The following KIF6 variants were observed in gnomAD, a reference collection of about 807,000 sequenced individuals.
KIF6 encodes kinesin-like protein KIF6.
In KIF6, 106 loss-of-function variants were observed where a neutral mutation model predicts 112.7. That is an observed-to-expected ratio of 0.94 (90% confidence interval 0.80 to 1.11). The LOEUF (loss-of-function observed/expected upper bound fraction) is 1.11, where lower values mean the gene tolerates loss of function less well. KIF6 is among the 50% of genes least tolerant of loss of function. The probability of loss-of-function intolerance (pLI) is 0.00; values close to 1 mark genes in which losing one functional copy is unlikely to be tolerated. For missense variants in KIF6, 929 were observed against 964.0 expected (o/e 0.96, Z 0.48); for synonymous variants, 339 against 339.9 (o/e 1.00, Z 0.03).
intron 13 of KIF6, among the ~76,000 whole-genome samples, chr6:39,435,172 A>G (rs1771435529): frequency 6.6e-6 from 1 of 152,158 alleles, no homozygotes; most frequent in Non-Finnish European, 1.5e-5. Context: ...GGGGCTCAAA[A>G]TGACCTCGTA....
intron 15 of KIF6, among the ~76,000 whole-genome samples, chr6:39,386,419 G>T (rs1767426200): frequency 6.6e-6 from 1 of 152,176 alleles, no homozygotes; most frequent in African/African-American, 2.4e-5. Context: ...ACTTGGAGAG[G>T]AGGAATGGAG....
intron 10 of KIF6, among the ~76,000 whole-genome samples, chr6:39,556,479 G>A (rs928555519): frequency 4.6e-5 from 7 of 152,144 alleles, no homozygotes; most frequent in Non-Finnish European, 8.8e-5. Flanking sequence ...AACTGGCTTC[G>A]AAGCTGACAA....
At chr6:39,483,331 T>C (rs368028618) in intron 13 of KIF6, among the ~76,000 whole-genome samples, 4 of 152,326 alleles carry the variant, frequency 2.6e-5, no homozygotes, top group South Asian at 4.1e-4. Flanking sequence ...ACCAAGATTC[T>C]TTCCTCTCCA....
At chr6:39,632,473 C>T (rs1784408067) in intron 5 of KIF6, among the ~76,000 whole-genome samples, 1 of 151,978 alleles carries the variant, frequency 6.6e-6, no homozygotes. Context: ...TGAGACATTT[C>T]AGCTCACAAC....
At chr6:39,475,570 A>G (rs377522356) in intron 13 of KIF6, among the ~76,000 whole-genome samples, 1 of 152,182 alleles carries the variant, frequency 6.6e-6, no homozygotes, top group Non-Finnish European at 1.5e-5. Flanking sequence ...TGACATTTCA[A>G]TTTCTACCTT....
intron 13 of KIF6, among the ~76,000 whole-genome samples, chr6:39,525,350 G>T (rs749189023): frequency 3.9e-5 from 6 of 152,078 alleles, no homozygotes; most frequent in Non-Finnish European, 8.8e-5. Context: ...TACTGTACTT[G>T]GGCCCCAGAA....
intron 13 of KIF6, among the ~76,000 whole-genome samples, chr6:39,518,244 A>C (rs1418166415): frequency 6.6e-6 from 1 of 152,056 alleles, no homozygotes; most frequent in African/African-American, 2.4e-5. Context: ...TAGTATGTGC[A>C]CATGTGTGCC....
chr6:39,468,785 A>C (rs899788322), intron 13 of KIF6, among the ~76,000 whole-genome samples: 3 of 152,116 alleles, frequency 2.0e-5, no homozygotes, highest in Non-Finnish European at 4.4e-5. Flanking sequence ...AAAGGACACC[A>C]GTAAAAGTAA....
At chr6:39,482,298 G>A (rs568351709) in intron 13 of KIF6, among the ~76,000 whole-genome samples, 3 of 152,288 alleles carry the variant, frequency 2.0e-5, no homozygotes, top group Admixed American at 6.5e-5. Flanking sequence ...CTGGTGAATT[G>A]CAGGGAGGTC....
At chr6:39,624,348 G>T (rs966195209) in intron 5 of KIF6, among the ~76,000 whole-genome samples, 1 of 152,100 alleles carries the variant, frequency 6.6e-6, no homozygotes. Flanking sequence ...CTCTCAAAAG[G>T]TTGTAATAAT....
chr6:39,484,546 A>G (rs1174515139), intron 13 of KIF6, among the ~76,000 whole-genome samples: 1 of 152,184 alleles, frequency 6.6e-6, no homozygotes, highest in Non-Finnish European at 1.5e-5. Flanking sequence ...AGATGGAGTA[A>G]AAGAAGAAGC....
At chr6:39,649,752 A>AGAAG in intron 3 of KIF6, among the ~76,000 whole-genome samples, 1 of 103,326 alleles carries the variant, frequency 9.7e-6, no homozygotes, top group African/African-American at 2.8e-5. Flanking sequence ...AAAGAAAGAA[A>AGAAG]GAAAGAAAGA....
intron 13 of KIF6, among the ~76,000 whole-genome samples, chr6:39,532,638 T>C (rs1778140721): frequency 6.6e-6 from 1 of 152,166 alleles, no homozygotes; most frequent in Non-Finnish European, 1.5e-5. Flanking sequence ...AATTAAGAGA[T>C]AAAGAATTGT....
intron 6 of KIF6, among the ~76,000 whole-genome samples, chr6:39,601,694 C>T (rs73424561): frequency 0.015 from 2,091 of 142,118 alleles, 47 homozygotes; most frequent in African/African-American, 0.051. Flanking sequence ...CCCTTACATG[C>T]TATGGAATTT....
At chr6:39,521,073 A>G (rs1777371862) in intron 13 of KIF6, among the ~76,000 whole-genome samples, 1 of 152,176 alleles carries the variant, frequency 6.6e-6, no homozygotes, top group Admixed American at 6.5e-5. Context: ...ATCCCAGAAA[A>G]TCAAATTTGA....
chr6:39,370,828 G>T (rs1455246444), intron 16 of KIF6, among the ~76,000 whole-genome samples: 1 of 152,062 alleles, frequency 6.6e-6, no homozygotes, highest in African/African-American at 2.4e-5. Flanking sequence ...GGTGCTGGGG[G>T]TGGGGGGCAA....
Position 39,607,912 on chromosome 6 carries a change from G to A in KIF6, c.639+5277C>T, listed in dbSNP as rs1270161547. On this transcript the variant is annotated intron_variant, in intron 6 of 22. Coordinates refer to ENST00000287152, the MANE Select transcript of KIF6 (RefSeq NM_145027.6). ...CCCTTTAATGATTTTGGAACTAATTGAAACCAAAATCCTCTTGTTTTCCAC... is the reference window on the plus strand; with the variant it reads ...CCCTTTAATGATTTTGGAACTAATTAAAACCAAAATCCTCTTGTTTTCCAC... 3.9e-5 allele frequency among the ~76,000 whole-genome samples: 6 copies of A among 152,228 alleles called. No homozygotes were observed. In the East Asian group the frequency reaches 1.2e-3, roughly 29 times the overall value.
Position 39,354,652 on chromosome 6 carries a change from G to A in KIF6, c.2180+2625C>T, listed in dbSNP as rs566751526. Among the ~76,000 whole-genome samples, 62 of 152,268 alleles carry A rather than the reference G, an allele frequency of 4.1e-4. 1 individual carries two copies. The South Asian group carries it at 0.012, about 30-fold the overall frequency. ...TAGGGCCTGGCCTCAAAGTCATGGT[G>A]GTCACTAATTGGGTAAGCATTGGGA... On this transcript the variant is annotated intron_variant, in intron 19 of 22. Coordinates refer to ENST00000287152, the MANE Select transcript of KIF6 (RefSeq NM_145027.6).
chr6:39,443,165 A>AT lies in KIF6; in HGVS notation c.1646-12005_1646-12004insA, dbSNP rs1311895805. Among the ~76,000 whole-genome samples, 292 of 137,728 alleles carry AT rather than the reference A, an allele frequency of 2.1e-3. 2 individuals are homozygous for AT. The highest frequency in any genetic ancestry group is 0.012 in the Middle Eastern group (3 of 258). The allele number at this position is 137,728 out of a possible 152,430, so 90.4% of individuals were successfully genotyped here. A position where few individuals can be genotyped will look rare whatever the true frequency, so the allele number is the denominator to read the frequency against. On this transcript the variant is annotated intron_variant, in intron 13 of 22. Coordinates refer to ENST00000287152, the MANE Select transcript of KIF6 (RefSeq NM_145027.6). The stretch of plus-strand genomic sequence containing the variant: ...ATAATAATAATAATAATAATAAATA[A>AT]AAATAAAAAAAAGAAAGAGGCTCCA...
Sources: gnomAD v4.1 joint callset for allele counts (sites outside exome capture counted in the v4.1 genomes callset) on GRCh38, gnomAD v4.1.1 for gene constraint, MANE v1.5 for transcripts, NCBI Gene and HGNC (gene_info 2026-07-23, HGNC 2026-07-21) for gene names.